Variants in TTC28 observed in about 807,000 individuals in gnomAD.
The protein encoded by TTC28 is tetratricopeptide repeat protein 28.
In TTC28, 61 loss-of-function variants were observed where a neutral mutation model predicts 198.0. The ratio of observed to expected loss-of-function variants is 0.31; its 90% CI spans 0.25 to 0.38. TTC28 has a LOEUF of 0.38. TTC28 is among the 10% of genes least tolerant of loss of function. The pLI, the probability that TTC28 is intolerant of heterozygous loss-of-function variation, is 1.00. For missense variants in TTC28, 2,678 were observed against 3,164.0 expected (o/e 0.85, Z 3.69); for synonymous variants, 1,171 against 1,297.8 (o/e 0.90, Z 2.10).
chr22:28,371,880 C>T (rs134517), intron 2 of TTC28, among the ~76,000 whole-genome samples: 145,362 of 148,584 alleles, frequency 0.98, 71,101 homozygotes, highest in East Asian at 0.99. Context: ...GCACCCAGCC[C>T]CAAAAAAAAA....
chr22:28,482,314 C>A (rs1468731863), intron 2 of TTC28, among the ~76,000 whole-genome samples: 1 of 147,556 alleles, frequency 6.8e-6, no homozygotes, highest in African/African-American at 2.5e-5. Flanking sequence ...CGGGTTCACG[C>A]CATTCTCCTG....
At chr22:28,464,014 C>T (rs1001000869) in intron 2 of TTC28, among the ~76,000 whole-genome samples, 4 of 152,086 alleles carry the variant, frequency 2.6e-5, no homozygotes, top group Admixed American at 6.6e-5. Context: ...CATGATCTCA[C>T]GAGAGAACTA....
intron 5 of TTC28, among the ~76,000 whole-genome samples, chr22:28,201,247 G>T (rs1040421178): frequency 2.0e-5 from 3 of 152,118 alleles, no homozygotes; most frequent in Admixed American, 6.5e-5. Flanking sequence ...TCTATGATCT[G>T]CCAGTTAGGC....
At chr22:28,504,278 T>C (rs1470224396) in intron 2 of TTC28, among the ~76,000 whole-genome samples, 2 of 152,218 alleles carry the variant, frequency 1.3e-5, no homozygotes, top group Non-Finnish European at 2.9e-5. Flanking sequence ...AAGTGAGATA[T>C]ATAACAGGTA....
At chr22:28,528,737 TAA>T (rs5844812) in intron 2 of TTC28, among the ~76,000 whole-genome samples, 12 of 89,924 alleles carry the variant, frequency 1.3e-4, no homozygotes, top group African/African-American at 1.5e-4. Context: ...CCCTGTCTCA[TAA>T]AAAAAAAAAA....
chr22:28,080,892 C>T (rs1332878362), intron 12 of TTC28, among the ~76,000 whole-genome samples: 4 of 151,982 alleles, frequency 2.6e-5, no homozygotes, highest in Admixed American at 6.6e-5. Context: ...CAACGTTTTT[C>T]CTTTTGCATG....
intron 5 of TTC28, among the ~76,000 whole-genome samples, chr22:28,215,131 G>A (rs1168043546): frequency 6.6e-6 from 1 of 152,130 alleles, no homozygotes; most frequent in African/African-American, 2.4e-5. Flanking sequence ...GGGGCCTGTG[G>A]TGGGGTTGGG....
chr22:28,210,450 T>C (rs1169495932), intron 5 of TTC28, among the ~76,000 whole-genome samples: 1 of 152,082 alleles, frequency 6.6e-6, no homozygotes, highest in East Asian at 1.9e-4. Context: ...TTAAATGACC[T>C]GATGGAGCTG....
At chr22:28,514,018 AT>A (rs1338383712) in intron 2 of TTC28, among the ~76,000 whole-genome samples, 2 of 152,206 alleles carry the variant, frequency 1.3e-5, no homozygotes, top group African/African-American at 4.8e-5. Flanking sequence ...GATAGCATCT[AT>A]TCAAGCTTAA....
At chr22:28,447,085 C>G (rs1334340596) in intron 2 of TTC28, among the ~76,000 whole-genome samples, 1 of 152,158 alleles carries the variant, frequency 6.6e-6, no homozygotes, top group African/African-American at 2.4e-5. Context: ...ATCCAGGGTT[C>G]TTTCTTATAA....
intron 2 of TTC28, among the ~76,000 whole-genome samples, chr22:28,591,437 C>G (rs191530430): frequency 1.9e-4 from 29 of 152,164 alleles, no homozygotes; most frequent in Non-Finnish European, 3.8e-4. Flanking sequence ...TCATACCAAG[C>G]CTGTGAGAGA....
At chr22:28,632,486 T>A (rs1466577885) in intron 1 of TTC28, among the ~76,000 whole-genome samples, 4 of 151,906 alleles carry the variant, frequency 2.6e-5, no homozygotes, top group Non-Finnish European at 5.9e-5. Context: ...AAAGGTTTTT[T>A]AAAAAATTAT....
intron 6 of TTC28, among the ~76,000 whole-genome samples, chr22:28,150,775 A>T (rs977837654): frequency 1.3e-5 from 2 of 152,210 alleles, no homozygotes; most frequent in African/African-American, 4.8e-5. Context: ...TTCAGGAGCC[A>T]ATGACTAACC....
At chr22:28,433,432 C>T (rs1381711129) in intron 2 of TTC28, among the ~76,000 whole-genome samples, 1 of 152,118 alleles carries the variant, frequency 6.6e-6, no homozygotes, top group Non-Finnish European at 1.5e-5. Flanking sequence ...CCAAGGGAAC[C>T]AGTTTACCTT....
intron 12 of TTC28, among the ~76,000 whole-genome samples, chr22:28,032,005 C>T (rs1478697378): frequency 2.0e-5 from 3 of 151,550 alleles, no homozygotes; most frequent in African/African-American, 7.3e-5. Context: ...TGAAACTTAC[C>T]CTACTGGCTT....
At chr22:28,531,871 G>C (rs1410309790) in intron 2 of TTC28, among the ~76,000 whole-genome samples, 2 of 152,176 alleles carry the variant, frequency 1.3e-5, no homozygotes, top group Non-Finnish European at 2.9e-5. Flanking sequence ...TGAGAACAAA[G>C]ACACAACATG....
At chr22:28,492,831 T>A (rs2048397537) in intron 2 of TTC28, among the ~76,000 whole-genome samples, 1 of 152,116 alleles carries the variant, frequency 6.6e-6, no homozygotes, top group Non-Finnish European at 1.5e-5. Flanking sequence ...ATTCCTCTAA[T>A]GAATAGTTGA....
At position 28,297,562 on chromosome 22, in the gene TTC28, AG is replaced by A; in HGVS notation, c.802+17del. 6.5e-7 allele frequency: 1 copy of A among 1,541,532 alleles called. No individual in the cohort carries two copies. Among genetic ancestry groups the A allele is most frequent in the Non-Finnish European group, 8.8e-7 (1 of 1,139,396 alleles). On this transcript the variant is annotated intron_variant, in intron 4 of 22. Transcript: ENST00000397906. ...CTTTGTTCCCTTTCTGCACTGAAAT[AG>A]AGAAGCATCACTCTACCTAAGGTCT... is the stretch of plus-strand genomic sequence containing the variant.
chr22:28,210,228 C>T (rs1182833705), intron 5 of TTC28, among the ~76,000 whole-genome samples: 1 of 152,168 alleles, frequency 6.6e-6, no homozygotes, highest in African/African-American at 2.4e-5. Flanking sequence ...AATCAGAGTG[C>T]CTCTTCTCCA....
Sources: allele counts gnomAD v4.1 joint callset (sites outside exome capture counted in the v4.1 genomes callset), GRCh38; gene constraint gnomAD v4.1.1; transcripts MANE v1.5; gene names NCBI Gene and HGNC (gene_info 2026-07-23, HGNC 2026-07-21).